PKD1L3: variants seen among roughly 807,000 people sequenced by gnomAD.
The protein encoded by PKD1L3 is polycystin 1 like 3, transient receptor potential channel interacting.
Under a neutral mutation model 184.1 loss-of-function variants are expected in PKD1L3, and 239 were observed. The observed-to-expected ratio is 1.30, with a 90% CI of 1.17 to 1.45. PKD1L3 has a LOEUF of 1.45. Ranked by LOEUF, PKD1L3 falls within the 40% of genes most tolerant of loss-of-function variation. The pLI is 0.00. For missense variants in PKD1L3, 2,660 were observed against 2,067.2 expected, an observed-to-expected ratio of 1.29 and a Z score of -5.56; for synonymous variants, 996 against 778.8, an observed-to-expected ratio of 1.28 and a Z score of -4.64.
intron 13 of PKD1L3, 22 bp from the exon 14 acceptor site, chr16:71,968,029 G>T: frequency 6.5e-7 from 1 of 1,533,616 alleles, no homozygotes; most frequent in Non-Finnish European, 8.8e-7. Flanking sequence ...GCAGAACCAT[G>T]CAACTTACTA....
intron 12 of PKD1L3, 26 bp downstream of exon 12, chr16:71,973,298 G>T: frequency 6.5e-7 from 1 of 1,547,844 alleles, no homozygotes; most frequent in Non-Finnish European, 8.7e-7. Flanking sequence ...CAGAAGAGAG[G>T]CCCAAGAAGC....
chr16:71,929,872 A>T (rs966267243), intron 29 of PKD1L3, 180 bp downstream of exon 29: 117 of 983,190 alleles, frequency 1.2e-4, no homozygotes, highest in Middle Eastern at 6.5e-4. Flanking sequence ...TGGCTATAGA[A>T]TATTATGTAG....
intron 24 of PKD1L3, among the ~76,000 whole-genome samples, chr16:71,940,057 G>A (rs147037812): frequency 1.3e-5 from 2 of 152,234 alleles, no homozygotes; most frequent in Non-Finnish European, 2.9e-5. Flanking sequence ...GAAATTGCAG[G>A]CATCAGGTAC....
chr16:71,973,620 A>G (rs569704589), intron 11 of PKD1L3, 103 bp from the exon 12 acceptor site: 5 of 1,047,154 alleles, frequency 4.8e-6, no homozygotes, highest in Middle Eastern at 2.3e-4. Context: ...AAATGAGACC[A>G]TGATGAAACT....
intron 28 of PKD1L3, 125 bp from the exon 29 acceptor site, chr16:71,930,308 A>G (rs2037896093): frequency 1.1e-6 from 1 of 941,316 alleles, no homozygotes; most frequent in Non-Finnish European, 1.5e-6. Flanking sequence ...ACTTAGGGAG[A>G]GAGTCAAAAG....
intron 3 of PKD1L3, among the ~76,000 whole-genome samples, chr16:71,992,372 T>G (rs2040621296): frequency 6.6e-6 from 1 of 152,178 alleles, no homozygotes; most frequent in African/African-American, 2.4e-5. Flanking sequence ...AGTAATTTAG[T>G]TTTACTATGA....
intron 4 of PKD1L3, among the ~76,000 whole-genome samples, chr16:71,988,410 G>C (rs1262046361): frequency 6.6e-6 from 1 of 152,122 alleles, no homozygotes; most frequent in Non-Finnish European, 1.5e-5. Context: ...GGCCTGGCTG[G>C]CCTCGAAATC....
chr16:71,984,188 G>C, intron 5 of PKD1L3, 21 bp from the exon 6 acceptor site: 6 of 1,549,540 alleles, frequency 3.9e-6, no homozygotes, highest in Non-Finnish European at 5.2e-6. Context: ...CAAAGAAGTT[G>C]TCAAAATTAC....
At chr16:71,936,644 C>T (rs761286870) in intron 25 of PKD1L3, among the ~76,000 whole-genome samples, 69 of 151,360 alleles carry the variant, frequency 4.6e-4, no homozygotes, top group Non-Finnish European at 7.7e-4. Context: ...TATGCCACCA[C>T]GCCCGGCTAA....
chr16:71,977,275 G>C lies in PKD1L3; in HGVS notation c.1720C>G (p.Leu574Val). Reference protein sequence around the residue: ...QYQPNCTHFHLNITLPKDKVW... With the variant: ...QYQPNCTHFHVNITLPKDKVW... The stretch of plus-strand genomic sequence containing the variant: ...TTATCCTTTGGAAGGGTGATGTTCA[G>C]GTGGAAGTGAGTGCAGTTAGGCTGA... Residue 574 changes from leucine (L) to valine (V), a missense_variant, in exon 11 of 30, where the codon CTG becomes GTG. Leu to Val is a conservative substitution (Grantham distance 32). Coordinates refer to ENST00000620267, the MANE Select transcript of PKD1L3 (RefSeq NM_181536.2). 1 of 1,537,044 alleles carries C rather than the reference G, an allele frequency of 6.5e-7. No homozygotes were observed. The highest frequency in any genetic ancestry group is 8.8e-7 in the Non-Finnish European group (1 of 1,133,724).
chr16:71,992,232 G>C (rs1321174061), intron 3 of PKD1L3, among the ~76,000 whole-genome samples: 3 of 152,172 alleles, frequency 2.0e-5, no homozygotes, highest in African/African-American at 7.2e-5. Context: ...TTGCTTGTTA[G>C]GTAAATTGCC....
At chr16:71,952,845 A>G in intron 18 of PKD1L3, 49 bp downstream of exon 18, 1 of 1,504,854 alleles carries the variant, frequency 6.6e-7, no homozygotes, top group Non-Finnish European at 8.9e-7. Context: ...GTCAAAACAA[A>G]CAAGCAGGCA....
At chr16:71,951,434 G>T in intron 19 of PKD1L3, 130 bp downstream of exon 19, 1 of 912,778 alleles carries the variant, frequency 1.1e-6, no homozygotes, top group Non-Finnish European at 1.6e-6. Context: ...TATACTAGAA[G>T]CTTAAGGAAA....
intron 15 of PKD1L3, among the ~76,000 whole-genome samples, chr16:71,964,847 G>GTA (rs1555520069): frequency 1.6e-5 from 2 of 128,008 alleles, no homozygotes; most frequent in Non-Finnish European, 3.4e-5. Context: ...CTATATATAT[G>GTA]TATTTTTTTT....
chr16:71,998,530 A>T (rs1183506077), intron 1 of PKD1L3, 136 bp from the exon 2 acceptor site: 2 of 1,214,026 alleles, frequency 1.6e-6, no homozygotes, highest in East Asian at 5.7e-5. Flanking sequence ...CACTCACTGC[A>T]ATCTCTGCCT....
At chr16:71,972,589 C>A (rs752213577) in intron 12 of PKD1L3, among the ~76,000 whole-genome samples, 1 of 150,674 alleles carries the variant, frequency 6.6e-6, no homozygotes, top group Non-Finnish European at 1.5e-5. Context: ...AAGTTTGAGG[C>A]AGGCGGATCT....
At chr16:71,983,663 C>CTT (rs1180950058) in intron 6 of PKD1L3, among the ~76,000 whole-genome samples, 132 of 100,328 alleles carry the variant, frequency 1.3e-3, no homozygotes, top group African/African-American at 2.7e-3. Context: ...GATTCTCTTT[C>CTT]TTTTTTTTTT....
chr16:71,946,331 A>G (rs973294732), intron 22 of PKD1L3, among the ~76,000 whole-genome samples: 2 of 152,142 alleles, frequency 1.3e-5, no homozygotes, highest in Non-Finnish European at 2.9e-5. Flanking sequence ...TCTTTCCCTC[A>G]CAGGTAGTCC....
chr16:71,961,077 T>TC (rs370785110), intron 16 of PKD1L3, among the ~76,000 whole-genome samples: 59 of 152,248 alleles, frequency 3.9e-4, no homozygotes, highest in Non-Finnish European at 6.9e-4. Context: ...ATTTTTTTTT[T>TC]CCCACTTCTT....
Sources: gnomAD v4.1 joint callset for allele counts (sites outside exome capture counted in the v4.1 genomes callset) on GRCh38, gnomAD v4.1.1 for gene constraint, MANE v1.5 for transcripts, NCBI Gene and HGNC (gene_info 2026-07-23, HGNC 2026-07-21) for gene names.